Variants in THBS4 observed in about 807,000 individuals in gnomAD.
THBS4 encodes the protein thrombospondin-4.
Under a neutral mutation model 115.7 loss-of-function variants are expected in THBS4, and 90 were observed. That is an observed-to-expected ratio of 0.78 (90% CI 0.66 to 0.93). THBS4 has a LOEUF of 0.93. Ranked by LOEUF, THBS4 falls within the 40% of genes least tolerant of loss-of-function variation. The probability of loss-of-function intolerance (pLI) is 0.00; values close to 1 mark genes in which losing one functional copy is unlikely to be tolerated. For missense variants in THBS4, 1,087 were observed against 1,232.7 expected (o/e 0.88, Z 1.77); for synonymous variants, 460 against 479.3 (o/e 0.96, Z 0.53).
chr5:80,030,407 G>A (rs944017860), upstream of THBS4, among the ~76,000 whole-genome samples: 2 of 151,840 alleles, frequency 1.3e-5, no homozygotes, highest in African/African-American at 2.4e-5. Context: ...TCACACTGTT[G>A]CCTGGGCTGG....
At chr5:80,052,780 T>C (rs188706900) in intron 2 of THBS4, 1 of 152,358 alleles carries the variant, frequency 6.6e-6, no homozygotes, top group African/African-American at 2.4e-5. Flanking sequence ...CCTTAAAATA[T>C]ATCCTTCATG....
chr5:80,049,518 A>C lies in THBS4; in HGVS notation c.293-6267A>C, dbSNP rs571525873. On this transcript the variant is annotated intron_variant, in intron 2 of 21. Transcript: ENST00000350881. ...AAATTGTCAATTACACAAAGATGCC[A>C]AGTTTAGAGGGAAAGGATTTATATA... 1.6e-4 allele frequency among the ~76,000 whole-genome samples: 25 copies of C among 152,340 alleles called. 1 individual carries two copies. The South Asian group carries it at 4.1e-3, about 25-fold the overall frequency.
intron 2 of THBS4, among the ~76,000 whole-genome samples, chr5:80,013,137 T>TTTTGC (rs1338151036): frequency 5.9e-5 from 9 of 152,062 alleles, no homozygotes; most frequent in African/African-American, 2.2e-4. Flanking sequence ...TTGTTTTTTG[T>TTTTGC]TTTGTTTTGT....
At chr5:80,049,567 A>T (rs1174077669) in intron 2 of THBS4, among the ~76,000 whole-genome samples, 1 of 152,248 alleles carries the variant, frequency 6.6e-6, no homozygotes, top group African/African-American at 2.4e-5. Flanking sequence ...TCCACATTTT[A>T]AAAAAGACAT....
chr5:80,033,169 A>G, upstream of THBS4: 1 of 425,312 alleles, frequency 2.4e-6, no homozygotes. Flanking sequence ...TGGCATGATC[A>G]ACTCTGTTTC....
At chr5:80,050,402 A>C (rs1028083588) in intron 2 of THBS4, among the ~76,000 whole-genome samples, 4 of 152,056 alleles carry the variant, frequency 2.6e-5, no homozygotes, top group African/African-American at 4.8e-5. Flanking sequence ...AGTGGGTCAA[A>C]GTTAGGTTTT....
chr5:80,030,683 AT>A (rs1409351312), upstream of THBS4, among the ~76,000 whole-genome samples: 7 of 151,822 alleles, frequency 4.6e-5, no homozygotes, highest in South Asian at 2.1e-4. Context: ...TTTAATTTTT[AT>A]TTTTATAGAG....
chr5:80,056,236 TAGCATATTTTTATGCTAGGGGCATC>T (rs1360049111), intron 3 of THBS4, among the ~76,000 whole-genome samples: 3 of 152,204 alleles, frequency 2.0e-5, no homozygotes, highest in African/African-American at 7.2e-5. Flanking sequence ...GGGTGGGGCC[TAGCATATTTTTATGCTAGGGGCATC>T]AGCATATTTT....
At chr5:80,002,163 A>T (rs1345107761) in intron 2 of THBS4, among the ~76,000 whole-genome samples, 2 of 152,150 alleles carry the variant, frequency 1.3e-5, no homozygotes, top group Admixed American at 6.5e-5. Context: ...ACTGACCAGC[A>T]TCTAATACTG....
Position 80,073,342 on chromosome 5 carries a change from C to T in THBS4, c.1892+15C>T. 6.2e-7 allele frequency: 1 copy of T among 1,612,228 alleles called. No individual in the cohort carries two copies. The highest frequency in any genetic ancestry group is 1.7e-5 in the Admixed American group (1 of 59,990). On this transcript the variant is annotated intron_variant, in intron 15 of 21. Transcript: ENST00000350881. ...AATCAGGACAGGTATGGCATGTCTC[C>T]CAACTGCAGAGAGACAGATGCAAAC...
At chr5:79,994,852 T>G (rs1831759573) in intron 1 of THBS4, among the ~76,000 whole-genome samples, 1 of 152,240 alleles carries the variant, frequency 6.6e-6, no homozygotes, top group Non-Finnish European at 1.5e-5. Context: ...GGAAGTACCA[T>G]TTTGTCAAGA....
chr5:80,024,423 G>A (rs942766123), intron 2 of THBS4, among the ~76,000 whole-genome samples: 1 of 152,090 alleles, frequency 6.6e-6, no homozygotes, highest in African/African-American at 2.4e-5. Flanking sequence ...GATATGTTAC[G>A]CACCACCCTA....
intron 12 of THBS4, 82 bp from the exon 13 acceptor site, chr5:80,070,939 A>T: frequency 6.3e-7 from 1 of 1,592,706 alleles, no homozygotes; most frequent in Non-Finnish European, 8.5e-7. Context: ...AACTTGGGCC[A>T]CCAGAGTGCT....
Position 80,073,302 on chromosome 5 carries a change from G to A in THBS4, c.1867G>A (p.Asp623Asn). 2 of 1,613,960 alleles carry A rather than the reference G, an allele frequency of 1.2e-6. No homozygotes were observed. Among genetic ancestry groups the A allele is most frequent in the Non-Finnish European group, 8.5e-7 (1 of 1,179,992 alleles). Residue 623 changes from aspartate (D) to asparagine (N), a missense_variant, in exon 15 of 22, where the codon GAC becomes AAC. Asp to Asn is a conservative substitution (Grantham distance 23). This residue lies in a region of THBS4 where 979 missense variants were observed against 1,103.7 expected (regional missense o/e 0.89). Coordinates refer to ENST00000350881, the MANE Select transcript of THBS4 (RefSeq NM_003248.6). ...QSDVDNDLVG[D>N]SCDTNQDSDG... ...TGATGTGGATAATGATCTGGTTGGG[G>A]ACTCCTGTGACACCAATCAGGACAG...
At chr5:80,076,533 C>T (rs1161813624) in intron 15 of THBS4, among the ~76,000 whole-genome samples, 1 of 152,146 alleles carries the variant, frequency 6.6e-6, no homozygotes, top group Admixed American at 6.5e-5. Context: ...GTCATTGTTC[C>T]CCTCACACAT....
Position 80,002,489 on chromosome 5 carries a change from G to A in THBS4, n.177+4062G>A, listed in dbSNP as rs1412952626. 5.4e-5 allele frequency among the ~76,000 whole-genome samples: 6 copies of A among 111,418 alleles called. No homozygotes were observed. The South Asian group carries it at 9.5e-4, about 18-fold the overall frequency. The allele number at this position is 111,418 out of a possible 152,430, so 73.1% of individuals were successfully genotyped here. On this transcript the variant is annotated intron_variant and non_coding_transcript_variant, in intron 2 of 3. Coordinates refer to the THBS4 transcript ENST00000510218. ...CCTTGTATAACAGTCATGCTGCCTC[G>A]GAAAAGCTGGGAAGTCCCCTCCCAG...
rs1833405968 is a variant in THBS4 at position 80,055,817 on chromosome 5, G to A, written c.325G>A (p.Val109Met). 1.9e-6 allele frequency: 3 copies of A among 1,613,980 alleles called. No individual in the cohort carries two copies. Among genetic ancestry groups the A allele is most frequent in the Non-Finnish European group, 8.5e-7 (1 of 1,179,884 alleles). ...CCGTTACCTGAAGAACGATGGGAAG[G>A]TGCATTTGGTGGTTTTCAACAACCT... Reference protein sequence around the residue: ...ILRYLKNDGKVHLVVFNNLQL... With the variant: ...ILRYLKNDGKMHLVVFNNLQL... The change falls in exon 3 of 22, where the codon GTG (valine) becomes ATG (methionine). Residue 109 changes from valine to methionine, a missense_variant. This residue lies in a region of THBS4 where 979 missense variants were observed against 1,103.7 expected (regional missense o/e 0.89). Transcript: ENST00000350881.
At chr5:80,011,697 A>T (rs1176056860) in intron 2 of THBS4, among the ~76,000 whole-genome samples, 3 of 152,146 alleles carry the variant, frequency 2.0e-5, no homozygotes, top group African/African-American at 7.2e-5. Context: ...TGAGCCAGGG[A>T]CAACTCCCCA....
intron 13 of THBS4, among the ~76,000 whole-genome samples, chr5:80,071,415 C>T (rs944799336): frequency 1.3e-5 from 2 of 152,118 alleles, no homozygotes; most frequent in East Asian, 3.9e-4. Context: ...TTGCCAGAAA[C>T]TTTGTATGAC....
Sources: allele counts gnomAD v4.1 joint callset (sites outside exome capture counted in the v4.1 genomes callset), GRCh38; gene constraint gnomAD v4.1.1; regional missense constraint gnomAD v4.1.1; transcripts MANE v1.5; gene names NCBI Gene and HGNC (gene_info 2026-07-23, HGNC 2026-07-21).